Variants in IFT81 observed in about 807,000 individuals in gnomAD.
IFT81 encodes intraflagellar transport protein 81 homolog.
IFT81 carries 72 observed loss-of-function variants against 102.6 expected under a neutral mutation model. That is an observed-to-expected ratio of 0.70 (90% CI 0.58 to 0.85). The LOEUF is 0.85. Among genes scored for constraint, IFT81 ranks in the 40% least tolerant of loss-of-function variants. IFT81 has a pLI of 0.00. For synonymous variants in IFT81, 237 were observed against 242.7 expected (o/e 0.98, Z 0.22); for missense variants, 723 against 787.3 (o/e 0.92, Z 0.98).
At chr12:110,127,280 T>C in intron 1 of IFT81, 80 bp from the exon 2 acceptor site, 1 of 1,246,312 alleles carries the variant, frequency 8.0e-7, no homozygotes, top group Non-Finnish European at 1.1e-6. Flanking sequence ...ATGCCTACGT[T>C]GTATGAACTT....
intron 11 of IFT81, among the ~76,000 whole-genome samples, chr12:110,171,368 C>T (rs1678794324): frequency 6.6e-6 from 1 of 151,746 alleles, no homozygotes; most frequent in Non-Finnish European, 1.5e-5. Context: ...AATAGAAGCA[C>T]AGAGACCTTG....
chr12:110,176,882 G>A (rs1218706949), intron 11 of IFT81, among the ~76,000 whole-genome samples: 1 of 152,166 alleles, frequency 6.6e-6, no homozygotes, highest in African/African-American at 2.4e-5. Context: ...AATAGTTCTG[G>A]AGTACAGCAA....
In IFT81 at chr12:110,180,556, T is replaced by C; in HGVS notation, c.1323T>C (p.Asn441=). Residue 441 remains asparagine, a synonymous_variant, in exon 12 of 19, where the codon AAT becomes AAC. Transcript: ENST00000242591. ...TEELLKQRHE[N]IQQQLQTMEE... ...AACTTCTTAAGCAACGTCATGAAAATATTCAACAACAACTGGTAATACAGT... is the reference window on the plus strand; with the variant it reads ...AACTTCTTAAGCAACGTCATGAAAACATTCAACAACAACTGGTAATACAGT... The C allele has an allele frequency of 6.2e-7, 1 of 1,604,540 alleles. No homozygotes were observed. Among genetic ancestry groups the C allele is most frequent in the Middle Eastern group, 1.7e-4 (1 of 6,020 alleles).
At chr12:110,172,509 GC>G (rs1216064135) in intron 11 of IFT81, among the ~76,000 whole-genome samples, 13 of 152,188 alleles carry the variant, frequency 8.5e-5, no homozygotes, top group Admixed American at 8.5e-4. Context: ...GCCTCAGCCT[GC>G]CGAGTGCCTG....
intron 18 of IFT81, chr12:110,216,904 T>C (rs1480691187): frequency 1.0e-5 from 2 of 197,136 alleles, no homozygotes; most frequent in Non-Finnish European, 2.1e-5. Context: ...ATCCTGTTGG[T>C]TTCTTGAGAA....
At chr12:110,200,437 TA>T (rs1898208100) in intron 14 of IFT81, among the ~76,000 whole-genome samples, 1 of 152,142 alleles carries the variant, frequency 6.6e-6, no homozygotes, top group African/African-American at 2.4e-5. Context: ...AATTATGGTA[TA>T]AAAGATTTAA....
intron 10 of IFT81, among the ~76,000 whole-genome samples, chr12:110,157,680 C>A (rs1895916968): frequency 6.6e-6 from 1 of 152,196 alleles, no homozygotes; most frequent in African/African-American, 2.4e-5. Context: ...TTAATGGTAT[C>A]CCACATATCC....
intron 10 of IFT81, among the ~76,000 whole-genome samples, chr12:110,158,809 C>T (rs1026683489): frequency 1.4e-4 from 21 of 151,928 alleles, no homozygotes; most frequent in African/African-American, 3.6e-4. Flanking sequence ...AGGATGGTCT[C>T]GATCTCCTGA....
At chr12:110,157,441 A>G (rs977667085) in intron 10 of IFT81, among the ~76,000 whole-genome samples, 14 of 152,236 alleles carry the variant, frequency 9.2e-5, no homozygotes, top group Non-Finnish European at 4.4e-5. Flanking sequence ...AAGCAGGCAC[A>G]TGAAGTTTAA....
At chr12:110,206,599 C>T (rs989547802) in intron 17 of IFT81, among the ~76,000 whole-genome samples, 3 of 151,398 alleles carry the variant, frequency 2.0e-5, no homozygotes, top group East Asian at 1.9e-4. Flanking sequence ...CGCTTGAACC[C>T]GGGGAGCAGG....
chr12:110,149,424 C>T (rs1291114698), intron 10 of IFT81, among the ~76,000 whole-genome samples: 1 of 152,176 alleles, frequency 6.6e-6, no homozygotes, highest in Non-Finnish European at 1.5e-5. Context: ...GCATGTGTTA[C>T]AGTGTGCTCT....
At chr12:110,199,819 A>T (rs1898181689) in intron 14 of IFT81, among the ~76,000 whole-genome samples, 2 of 152,198 alleles carry the variant, frequency 1.3e-5, no homozygotes, top group African/African-American at 4.8e-5. Flanking sequence ...CCTGTTTCTA[A>T]GGAAACCGTG....
At chr12:110,157,721 T>C (rs1362728938) in intron 10 of IFT81, among the ~76,000 whole-genome samples, 5 of 152,210 alleles carry the variant, frequency 3.3e-5, no homozygotes, top group Non-Finnish European at 7.3e-5. Flanking sequence ...CTTCAATATT[T>C]TTCTCTTCCT....
In IFT81 at chr12:110,135,013, G is replaced by A; in HGVS notation, c.585G>A (p.Arg195=). Residue 195 remains arginine (R), a splice_region_variant and synonymous_variant, in exon 6 of 19, where the codon AGG becomes AGA. Coordinates refer to ENST00000242591, the MANE Select transcript of IFT81 (RefSeq NM_014055.4). ...LIKRVEHLKK[R]VETAQNHQWM... is the part of the protein sequence containing the mutation. The stretch of plus-strand genomic sequence containing the variant: ...AGAGAGTTGAACATTTGAAGAAAAG[G>A]GTAAGGCAGAATTAGTACTGTAAGA... 6.2e-7 allele frequency: 1 copy of A among 1,606,906 alleles called. No individual in the cohort carries two copies.
chr12:110,194,553 C>T (rs917613854), intron 14 of IFT81, among the ~76,000 whole-genome samples: 5 of 151,900 alleles, frequency 3.3e-5, no homozygotes, highest in African/African-American at 9.7e-5. Flanking sequence ...GGATTATAGG[C>T]GTGAGCCACC....
intron 18 of IFT81, among the ~76,000 whole-genome samples, chr12:110,214,807 G>T (rs1393963635): frequency 6.6e-6 from 1 of 152,136 alleles, no homozygotes; most frequent in African/African-American, 2.4e-5. Flanking sequence ...TTATTCCAAT[G>T]ATATAAGAAA....
chr12:110,208,558 A>G (rs1868990664), intron 17 of IFT81, among the ~76,000 whole-genome samples: 1 of 152,164 alleles, frequency 6.6e-6, no homozygotes, highest in African/African-American at 2.4e-5. Context: ...TTGATCTAGA[A>G]TATTTTCCAC....
chr12:110,173,311 C>T (rs1318224651), intron 11 of IFT81, among the ~76,000 whole-genome samples: 8 of 149,764 alleles, frequency 5.3e-5, no homozygotes, highest in African/African-American at 1.7e-4. Context: ...CCTCTCTGCC[C>T]GGCCAGCCAC....
intron 11 of IFT81, among the ~76,000 whole-genome samples, chr12:110,179,271 C>T (rs113736522): frequency 1.3e-5 from 2 of 152,258 alleles, no homozygotes; most frequent in African/African-American, 2.4e-5. Flanking sequence ...TAGTACAGTA[C>T]ATGAGATATA....
Sources: allele counts gnomAD v4.1 joint callset (sites outside exome capture counted in the v4.1 genomes callset), GRCh38; gene constraint gnomAD v4.1.1; transcripts MANE v1.5; gene names NCBI Gene and HGNC (gene_info 2026-07-23, HGNC 2026-07-21).